The following SYT5 variants were observed in gnomAD, a reference collection of about 807,000 sequenced individuals.
The protein encoded by SYT5 is synaptotagmin-5.
Under a neutral mutation model 36.0 loss-of-function variants are expected in SYT5, and 29 were observed. The observed-to-expected ratio is 0.81, with a 90% confidence interval of 0.60 to 1.10. The LOEUF (loss-of-function observed/expected upper bound fraction) is 1.10, where lower values mean the gene tolerates loss of function less well. SYT5 is among the 50% of genes least tolerant of loss of function. SYT5 has a pLI of 0.00. For synonymous variants in SYT5, 231 were observed against 227.6 expected (o/e 1.02, Z -0.14); for missense variants, 512 against 516.0 (o/e 0.99, Z 0.08).
chr19:55,174,481 G>A (rs746742203), intron 8 of SYT5, 36 bp downstream of exon 8: 1 of 1,609,166 alleles, frequency 6.2e-7, no homozygotes, highest in Non-Finnish European at 8.5e-7. Context: ...ATTACTAAAG[G>A]TCTGGGCTCT....
Position 55,178,230 on chromosome 19 carries a change from TC to T in SYT5, c.217del (p.Glu73LysfsTer2), listed in dbSNP as rs759826400. 6.2e-7 allele frequency: 1 copy of T among 1,609,420 alleles called. No individual in the cohort carries two copies. The highest frequency in any genetic ancestry group is 8.5e-7 in the Non-Finnish European group (1 of 1,178,182). ...GTAACTCTGGCCCAGCCCCTTCACT[TC>T]CTGAAGGTGGACCTGGGCTTGGGCC... is the stretch of plus-strand genomic sequence containing the variant. ...SQAQAQVHLQ[E>X]VKGLGQSYID... On this transcript the variant is annotated frameshift_variant, in exon 3 of 9. Transcript: ENST00000354308. LOFTEE classifies it high-confidence loss of function.
chr19:55,175,174 C>T lies in SYT5; in HGVS notation c.706G>A (p.Glu236Lys). The T allele has an allele frequency of 1.3e-6, 2 of 1,597,234 alleles. No homozygotes were observed. Among genetic ancestry groups the T allele is most frequent in the South Asian group, 1.1e-5 (1 of 89,500 alleles). Residue 236 changes from glutamate (E) to lysine (K), a missense_variant and splice_region_variant, in exon 6 of 9, where the codon GAG (glutamate) becomes AAG (lysine). Transcript: ENST00000354308. The surrounding 1 kb of genome is among the most constrained non-coding windows in gnomAD (Gnocchi z 4.5). ...WRELQAAPRE[E>K]QEKLGDICFS... is the part of the protein sequence containing the mutation. The stretch of plus-strand genomic sequence containing the variant: ...GGGGCGCGACCGCGCATGCTCACCT[C>T]CTCCCGCGGAGCCGCCTGCAGCTCC...
chr19:55,174,736 T>C (rs2086051637), intron 7 of SYT5, 86 bp from the exon 8 acceptor site: 9 of 1,589,578 alleles, frequency 5.7e-6, no homozygotes, highest in Non-Finnish European at 7.7e-6. Context: ...CCTTCGGGTC[T>C]CCCTAGCTCT....
In SYT5 at chr19:55,173,467, G is replaced by GA; in HGVS notation, c.*16_*17insT. 7.4e-7 allele frequency: 1 copy of GA among 1,350,342 alleles called. No homozygotes were observed. Among genetic ancestry groups the GA allele is most frequent in the Non-Finnish European group, 9.5e-7 (1 of 1,052,316 alleles). 83.6% of individuals were successfully genotyped at this position (1,350,342 alleles called of 1,614,324 possible). A position where few individuals can be genotyped will look rare whatever the true frequency, so the allele number is the denominator to read the frequency against. On this transcript the variant is annotated 3_prime_UTR_variant, in exon 9 of 9. Coordinates refer to ENST00000354308, the MANE Select transcript of SYT5 (RefSeq NM_003180.3). The surrounding 1 kb of genome is among the most constrained non-coding windows in gnomAD (Gnocchi z 5.4). The stretch of plus-strand genomic sequence containing the variant: ...AGGGGCTAGAGTCCAGGCTTGGCCG[G>GA]GGGCTTGGGGTGGGAGTCAGGGCGC...
rs1316406067 is a variant in SYT5, at chr19:55,173,445, G to C, written c.*39C>G. On this transcript the variant is annotated 3_prime_UTR_variant, in exon 9 of 9. Transcript: ENST00000354308. This position sits in a 1 kb window ranked among gnomAD's most constrained non-coding sequence, Gnocchi z 5.4. ...CCGGTCTCGGGAGTCTGGGGTCAGG[G>C]GCTAGAGTCCAGGCTTGGCCGGGGG... 27 of 1,328,298 alleles carry C rather than the reference G, an allele frequency of 2.0e-5. 1 individual carries two copies. The highest frequency in any genetic ancestry group is 6.2e-5 in the African/African-American group (4 of 64,814). The allele number at this position is 1,328,298 out of a possible 1,614,324, so 82.3% of individuals were successfully genotyped here.
chr19:55,175,612 T>A lies in SYT5; in HGVS notation c.540+97A>T, dbSNP rs1398481167. ...CAGAGCTGGTAGCTGCCACCTGAGC[T>A]GTGGCCGCCTCCAGGAAAAGCGGAA... On this transcript the variant is annotated intron_variant, in intron 5 of 8. Transcript: ENST00000354308. This position sits in a 1 kb window ranked among gnomAD's most constrained non-coding sequence, Gnocchi z 4.5. The A allele has an allele frequency of 2.7e-6, 4 of 1,488,294 alleles. No homozygotes were observed. Among genetic ancestry groups the A allele is most frequent in the Non-Finnish European group, 3.7e-6 (4 of 1,091,912 alleles). The allele number at this position is 1,488,294 out of a possible 1,614,324, so 92.2% of individuals were successfully genotyped here.
chr19:55,171,802 AAAG>A lies in SYT5; in HGVS notation c.*1679_*1681del, dbSNP rs2086007806. On this transcript the variant is annotated 3_prime_UTR_variant, in exon 9 of 9. Transcript: ENST00000354308. The stretch of plus-strand genomic sequence containing the variant: ...CATCTCTAAAAAAGAAAAGAAAAGA[AAAG>A]AAAAAATTAGCTAGGCATGGTTGCA... 6.6e-6 allele frequency: 1 copy of A among 152,254 alleles called. No homozygotes were observed. Among genetic ancestry groups the A allele is most frequent in the Admixed American group, 6.6e-5 (1 of 15,266 alleles). 9.4% of individuals were successfully genotyped at this position (152,254 alleles called of 1,614,324 possible).
At chr19:55,176,777 G>C (rs1402819649) in intron 3 of SYT5, among the ~76,000 whole-genome samples, 1 of 152,164 alleles carries the variant, frequency 6.6e-6, no homozygotes, top group East Asian at 1.9e-4. Context: ...TTAAGGGACA[G>C]GGATGGGGCT....
In SYT5 at chr19:55,175,124, G is replaced by A; in HGVS notation, c.708+48C>T. ...CTGATTGGCTCAGGATGTTGTGGGCGGGACTGGGCCTGGGGGCGTGGCTCG... is the reference window on the plus strand; with the variant it reads ...CTGATTGGCTCAGGATGTTGTGGGCAGGACTGGGCCTGGGGGCGTGGCTCG... On this transcript the variant is annotated intron_variant, in intron 6 of 8. Coordinates refer to ENST00000354308, the MANE Select transcript of SYT5 (RefSeq NM_003180.3). This position sits in a 1 kb window ranked among gnomAD's most constrained non-coding sequence, Gnocchi z 4.5. 1.3e-6 allele frequency: 2 copies of A among 1,577,016 alleles called. No individual in the cohort carries two copies. Among genetic ancestry groups the A allele is most frequent in the Non-Finnish European group, 8.6e-7 (1 of 1,166,140 alleles).
chr19:55,179,090 G>A lies in SYT5; in HGVS notation c.-45-4C>T, dbSNP rs1373022110. ...TCTGCAGAGACACTCAAGCACCCTA[G>A]TCCCCCATTCCCACCCCAGACGTCC... On this transcript the variant is annotated splice_polypyrimidine_tract_variant and splice_region_variant and intron_variant, in intron 1 of 8. Transcript: ENST00000354308. The surrounding 1 kb of genome is among the most constrained non-coding windows in gnomAD (Gnocchi z 4.5). 3 of 1,568,272 alleles carry A rather than the reference G, an allele frequency of 1.9e-6. No homozygotes were observed. Among genetic ancestry groups the A allele is most frequent in the South Asian group, 2.3e-5 (2 of 85,552 alleles).
rs552458158 is a variant in SYT5 at position 55,178,141 on chromosome 19, T to C, written c.252+55A>G. The C allele has an allele frequency of 3.8e-6, 6 of 1,564,804 alleles. No homozygotes were observed. The Admixed American group carries it at 7.5e-5, about 20-fold the overall frequency. On this transcript the variant is annotated intron_variant, in intron 3 of 8. Transcript: ENST00000354308. Reference sequence around the variant, plus strand: ...CAGGGACTGGGACCAGCTGGGCCATTGAGAGGAGCAGGGTGCGGGAAGGGG... The same window carrying C: ...CAGGGACTGGGACCAGCTGGGCCATCGAGAGGAGCAGGGTGCGGGAAGGGG...
Position 55,171,790 on chromosome 19 carries a change from G to C in SYT5, c.*1694C>G, listed in dbSNP as rs1310696933. ...ATAGCAAGACCCCATCTCTAAAAAAGAAAAGAAAAGAAAAGAAAAAATTAG... is the reference window on the plus strand; with the variant it reads ...ATAGCAAGACCCCATCTCTAAAAAACAAAAGAAAAGAAAAGAAAAAATTAG... On this transcript the variant is annotated 3_prime_UTR_variant, in exon 9 of 9. Transcript: ENST00000354308. 1 of 152,054 alleles carries C rather than the reference G, an allele frequency of 6.6e-6. No homozygotes were observed. Among genetic ancestry groups the C allele is most frequent in the African/African-American group, 2.4e-5 (1 of 41,372 alleles). The allele number at this position is 152,054 out of a possible 1,614,324, so 9.4% of individuals were successfully genotyped here.
Position 55,173,578 on chromosome 19 carries a change from T to A in SYT5, c.1067A>T (p.His356Leu). The change falls in exon 9 of 9, where the codon CAC (histidine) becomes CTC (leucine). Residue 356 changes from histidine (H) to leucine (L), a missense_variant. Physicochemically the swap from His to Leu is moderately conservative, Grantham distance 99. Transcript: ENST00000354308. The surrounding 1 kb of genome is among the most constrained non-coding windows in gnomAD (Gnocchi z 5.4). ...CGGGTTGGCCAGCATGTCCGCCCAG[T>A]GCCGCAGGCCAGCCCCGCCGGCGGC... is the stretch of plus-strand genomic sequence containing the variant. ...GAAAGGAGLR[H>L]WADMLANPRR... is the part of the protein sequence containing the mutation. The A allele has an allele frequency of 6.8e-7, 1 of 1,470,124 alleles. No homozygotes were observed. The highest frequency in any genetic ancestry group is 1.3e-5 in the South Asian group (1 of 74,552). The allele number at this position is 1,470,124 out of a possible 1,614,324, so 91.1% of individuals were successfully genotyped here. A position where few individuals can be genotyped will look rare whatever the true frequency, so the allele number is the denominator to read the frequency against.
Position 55,179,352 on chromosome 19 carries a change from C to G in SYT5, c.-45-266G>C, listed in dbSNP as rs1349334212. 1 of 993,500 alleles carries G rather than the reference C, an allele frequency of 1.0e-6. No homozygotes were observed. The highest frequency in any genetic ancestry group is 2.5e-5 in the South Asian group (1 of 39,654). The allele number at this position is 993,500 out of a possible 1,614,324, so 61.5% of individuals were successfully genotyped here. ...TCCTCGCCCCTCCGCAGGGTCTGAA[C>G]CGGAAGCGGGCGAAGGCAGACGTGG... On this transcript the variant is annotated intron_variant, in intron 1 of 8. Coordinates refer to ENST00000354308, the MANE Select transcript of SYT5 (RefSeq NM_003180.3). The surrounding 1 kb of genome is among the most constrained non-coding windows in gnomAD (Gnocchi z 4.5).
At position 55,174,455 on chromosome 19, in the gene SYT5, C is replaced by T. The variant is rs1183523691; in HGVS notation, c.960+62G>A. The T allele has an allele frequency of 3.8e-6, 6 of 1,578,968 alleles. No individual in the cohort carries two copies. The South Asian group carries it at 4.6e-5, about 12-fold the overall frequency. ...TAGGGAGATGCTAAAAAGTCTCCCT[C>T]CGCCTAGCAATGGCGATTACTAAAG... On this transcript the variant is annotated intron_variant, in intron 8 of 8. Coordinates refer to ENST00000354308, the MANE Select transcript of SYT5 (RefSeq NM_003180.3).
chr19:55,173,743 G>A lies in SYT5; in HGVS notation c.961-59C>T. ...GCGTGAGGGGAGGAGGCCCCGGAAG[G>A]GGCGGTGTCCGTTTTCACGGCTGAG... On this transcript the variant is annotated intron_variant, in intron 8 of 8. Coordinates refer to ENST00000354308, the MANE Select transcript of SYT5 (RefSeq NM_003180.3). The surrounding 1 kb of genome is among the most constrained non-coding windows in gnomAD (Gnocchi z 5.4). 3 of 1,301,328 alleles carry A rather than the reference G, an allele frequency of 2.3e-6. No homozygotes were observed. The highest frequency in any genetic ancestry group is 2.9e-6 in the Non-Finnish European group (3 of 1,017,324). 80.6% of individuals were successfully genotyped at this position (1,301,328 alleles called of 1,614,324 possible).
At position 55,179,970 on chromosome 19, in the gene SYT5, C is replaced by A. The variant is rs1307823573; in HGVS notation, c.-46+147G>T. On this transcript the variant is annotated intron_variant, in intron 1 of 8. Coordinates refer to ENST00000354308, the MANE Select transcript of SYT5 (RefSeq NM_003180.3). The surrounding 1 kb of genome is among the most constrained non-coding windows in gnomAD (Gnocchi z 4.5). ...CTCTTTGTCTTCTCCATACCTGTCT[C>A]GCGTCCCCAGATCCCTGTCTCTCCG... The A allele has an allele frequency of 6.5e-6, 1 of 152,836 alleles. No homozygotes were observed. Among genetic ancestry groups the A allele is most frequent in the African/African-American group, 2.4e-5 (1 of 41,474 alleles). 9.5% of individuals were successfully genotyped at this position (152,836 alleles called of 1,614,324 possible). A position where few individuals can be genotyped will look rare whatever the true frequency, so the allele number is the denominator to read the frequency against.
At position 55,174,991 on chromosome 19, in the gene SYT5, C is replaced by T. The variant is rs1312488908; in HGVS notation, c.717G>A (p.Lys239=). The T allele has an allele frequency of 1.9e-6, 3 of 1,613,206 alleles. No individual in the cohort carries two copies. The highest frequency in any genetic ancestry group is 2.7e-5 in the African/African-American group (2 of 74,928). Residue 239 remains lysine (K), a synonymous_variant, in exon 7 of 9, where the codon AAG becomes AAA. Transcript: ENST00000354308. ...LQAAPREEQE[K]LGDICFSLRY... ...GGAGGGAGAAGCAGATGTCCCCAAGCTTCTCCTGCTGAAAGGAGAGGGGCC... is the reference window on the plus strand; with the variant it reads ...GGAGGGAGAAGCAGATGTCCCCAAGTTTCTCCTGCTGAAAGGAGAGGGGCC...
At position 55,179,121 on chromosome 19, in the gene SYT5, G is replaced by A. The variant is rs901887256; in HGVS notation, c.-45-35C>T. The A allele has an allele frequency of 1.3e-6, 2 of 1,544,828 alleles. No homozygotes were observed. The highest frequency in any genetic ancestry group is 1.7e-6 in the Non-Finnish European group (2 of 1,148,002). On this transcript the variant is annotated intron_variant, in intron 1 of 8. Transcript: ENST00000354308. This position sits in a 1 kb window ranked among gnomAD's most constrained non-coding sequence, Gnocchi z 4.5. ...CATTCCCACCCCAGACGTCCTTTGA[G>A]CCCCACGCACAACAAAGAACTCCAA...
Sources: gnomAD v4.1 joint callset for allele counts (sites outside exome capture counted in the v4.1 genomes callset) on GRCh38, gnomAD v4.1.1 for gene constraint, Gnocchi (gnomAD v3.1) non-coding constraint, MANE v1.5 for transcripts, NCBI Gene and HGNC (gene_info 2026-07-23, HGNC 2026-07-21) for gene names.